Variants in CLVS1 observed in about 807,000 individuals in gnomAD.
CLVS1 encodes clavesin-1.
In CLVS1, 10 loss-of-function variants were observed where a neutral mutation model predicts 33.1. That is an observed-to-expected ratio of 0.30 (90% CI 0.19 to 0.51). The LOEUF is 0.51. CLVS1 is among the 20% of genes least tolerant of loss of function. The probability of loss-of-function intolerance (pLI) is 0.97; values close to 1 mark genes in which losing one functional copy is unlikely to be tolerated. For missense variants in CLVS1, 343 were observed against 433.4 expected, an observed-to-expected ratio of 0.79 and a Z score of 1.85; for synonymous variants, 163 against 166.1, an observed-to-expected ratio of 0.98 and a Z score of 0.14.
the CLVS1 span, among the ~76,000 whole-genome samples, chr8:61,016,646 G>T: frequency 6.6e-6 from 1 of 152,328 alleles, no homozygotes; most frequent in East Asian, 1.9e-4. Context: ...AGGGGGTGGG[G>T]GAAGAAAACT....
chr8:61,298,960 C>A (rs2129594521), intron 1 of CLVS1, among the ~76,000 whole-genome samples: 1 of 152,150 alleles, frequency 6.6e-6, no homozygotes, highest in South Asian at 2.1e-4. Context: ...GTCTCAAGTC[C>A]CTCTGCTTTC....
intron 3 of CLVS1, among the ~76,000 whole-genome samples, chr8:61,450,092 C>T (rs190361181): frequency 5.3e-5 from 8 of 152,264 alleles, no homozygotes; most frequent in Non-Finnish European, 8.8e-5. Flanking sequence ...ATTATGCTCT[C>T]ATCTCAGAGG....
intron 2 of CLVS1, among the ~76,000 whole-genome samples, chr8:61,191,932 G>A (rs1427660295): frequency 1.3e-5 from 2 of 152,134 alleles, no homozygotes; most frequent in African/African-American, 4.8e-5. Context: ...AATCAATATT[G>A]TGAAAATGGC....
chr8:61,218,064 A>G (rs1301826613), intron 2 of CLVS1, among the ~76,000 whole-genome samples: 1 of 152,138 alleles, frequency 6.6e-6, no homozygotes, highest in African/African-American at 2.4e-5. Flanking sequence ...AATGTAAACT[A>G]GAACAGCCAC....
intron 2 of CLVS1, among the ~76,000 whole-genome samples, chr8:61,371,129 C>G (rs1441975235): frequency 2.0e-5 from 3 of 152,134 alleles, no homozygotes; most frequent in Non-Finnish European, 2.9e-5. Context: ...TAAAAGCGTT[C>G]CCTTTTCACC....
At chr8:61,166,546 CTTT>C (rs3056180) in intron 2 of CLVS1, among the ~76,000 whole-genome samples, 60,245 of 151,268 alleles carry the variant, frequency 0.4, 14,987 homozygotes, top group Middle Eastern at 0.65. Flanking sequence ...GTAATAAAAG[CTTT>C]TTTTTTTGTT....
chr8:61,165,434 G>A (rs1806843237), intron 2 of CLVS1, among the ~76,000 whole-genome samples: 1 of 152,238 alleles, frequency 6.6e-6, no homozygotes. Flanking sequence ...CCTGATCCTT[G>A]TCCCTCCTGC....
chr8:61,346,183 G>T (rs1812213798), intron 2 of CLVS1, among the ~76,000 whole-genome samples: 1 of 152,160 alleles, frequency 6.6e-6, no homozygotes, highest in Non-Finnish European at 1.5e-5. Flanking sequence ...ATGTCAGTCA[G>T]CGTTTCTTAA....
chr8:61,027,833 A>G, the CLVS1 span, among the ~76,000 whole-genome samples: 1 of 152,232 alleles, frequency 6.6e-6, no homozygotes, highest in African/African-American at 2.4e-5. Flanking sequence ...ATATACTCAC[A>G]TGATGTCACA....
the CLVS1 span, among the ~76,000 whole-genome samples, chr8:61,021,055 G>C: frequency 6.6e-6 from 1 of 152,120 alleles, no homozygotes; most frequent in Non-Finnish European, 1.5e-5. Flanking sequence ...CATGTCTCTA[G>C]AAATTCTACA....
intron 1 of CLVS1, among the ~76,000 whole-genome samples, chr8:61,058,315 G>A (rs1804517164): frequency 6.6e-6 from 1 of 152,226 alleles, no homozygotes; most frequent in South Asian, 2.1e-4. Flanking sequence ...GACGTGGCTG[G>A]TGTTTCAGAG....
At chr8:61,275,573 G>A (rs1046215551) in intron 2 of CLVS1, among the ~76,000 whole-genome samples, 2 of 152,142 alleles carry the variant, frequency 1.3e-5, no homozygotes, top group African/African-American at 4.8e-5. Context: ...TATGTTGGAA[G>A]GAATAGTAAA....
intron 2 of CLVS1, chr8:61,202,284 T>A: frequency 1.6e-6 from 1 of 606,678 alleles, no homozygotes; most frequent in East Asian, 2.9e-5. Flanking sequence ...TGTGTGGCTG[T>A]TCTCTGGAGC....
chr8:61,042,059 A>T, the CLVS1 span, among the ~76,000 whole-genome samples: 1,060 of 152,320 alleles, frequency 7.0e-3, 18 homozygotes, highest in African/African-American at 0.024. Context: ...TCAAAGCTCC[A>T]ACCAGCTTGA....
At chr8:61,010,075 C>T in the CLVS1 span, among the ~76,000 whole-genome samples, 409 of 152,322 alleles carry the variant, frequency 2.7e-3, 2 homozygotes, top group African/African-American at 9.3e-3. Flanking sequence ...AGTAAATAGA[C>T]AGCAGAATCA....
Position 61,458,525 on chromosome 8 carries a change from AC to A in CLVS1, c.963del (p.Lys322SerfsTer2). 2 of 1,604,998 alleles carry A rather than the reference AC, an allele frequency of 1.2e-6. No individual in the cohort carries two copies. Among genetic ancestry groups the A allele is most frequent in the South Asian group, 1.1e-5 (1 of 89,648 alleles). Reference sequence around the variant, plus strand: ...CCTCGAATCTGGAGAGAGAATGCTCACCCAAGCTGATGAAAAGGTAAGGCCT... The same window carrying A: ...CCTCGAATCTGGAGAGAGAATGCTCACCAAGCTGATGAAAAGGTAAGGCCT... ...TSSNLERECSPKLMKRSQSVV... is the reference protein window; with the variant it reads ...TSSNLERECSXKLMKRSQSVV... On this transcript the variant is annotated frameshift_variant, in exon 5 of 6. Transcript: ENST00000325897. LOFTEE classifies it high-confidence loss of function.
At chr8:61,165,295 C>T (rs1806838058) in intron 2 of CLVS1, among the ~76,000 whole-genome samples, 1 of 152,198 alleles carries the variant, frequency 6.6e-6, no homozygotes, top group Non-Finnish European at 1.5e-5. Flanking sequence ...CGAGCCCTAA[C>T]AAACACGGAC....
At chr8:61,384,462 C>T (rs1814005038) in intron 3 of CLVS1, among the ~76,000 whole-genome samples, 1 of 151,974 alleles carries the variant, frequency 6.6e-6, no homozygotes, top group Admixed American at 6.6e-5. Context: ...ATTCAATAAC[C>T]ACATAGGAAG....
chr8:61,482,936 A>G (rs1484193452), intron 5 of CLVS1, among the ~76,000 whole-genome samples: 1 of 152,238 alleles, frequency 6.6e-6, no homozygotes, highest in Non-Finnish European at 1.5e-5. Flanking sequence ...GGACACATTT[A>G]AAGCAGTGTG....
Sources: gnomAD v4.1 joint callset for allele counts (sites outside exome capture counted in the v4.1 genomes callset) on GRCh38, gnomAD v4.1.1 for gene constraint, MANE v1.5 for transcripts, NCBI Gene and HGNC (gene_info 2026-07-23, HGNC 2026-07-21) for gene names.